The following GABRB3 variants were observed in gnomAD, a reference collection of about 807,000 sequenced individuals.
The protein encoded by GABRB3 is gamma-aminobutyric acid receptor subunit beta-3.
GABRB3 carries 14 observed loss-of-function variants against 52.1 expected under a neutral mutation model. The ratio of observed to expected loss-of-function variants is 0.27; its 90% CI spans 0.18 to 0.42. The LOEUF is 0.42. Ranked by LOEUF, GABRB3 falls within the 10% of genes least tolerant of loss-of-function variation. GABRB3 has a pLI of 1.00. For synonymous variants in GABRB3, 260 were observed against 232.3 expected (o/e 1.12, Z -1.08); for missense variants, 307 against 609.1 (o/e 0.50, Z 5.22).
At chr15:26,746,227 T>A (rs1455960059) in intron 3 of GABRB3, among the ~76,000 whole-genome samples, 1 of 152,104 alleles carries the variant, frequency 6.6e-6, no homozygotes, top group Admixed American at 6.5e-5. Flanking sequence ...TGTTGGACAT[T>A]TTTGCATGTG....
intron 3 of GABRB3, among the ~76,000 whole-genome samples, chr15:26,671,686 T>C (rs562454852): frequency 1.6e-4 from 25 of 152,198 alleles, no homozygotes; most frequent in Admixed American, 5.2e-4. Flanking sequence ...TCAGACTGAT[T>C]TTATTGTGCT....
chr15:26,582,976 G>A (rs2140736674), intron 5 of GABRB3, among the ~76,000 whole-genome samples: 1 of 152,172 alleles, frequency 6.6e-6, no homozygotes, highest in East Asian at 1.9e-4. Flanking sequence ...AGTTCCTGAT[G>A]GGAAATGAGT....
chr15:26,666,853 G>T, intron 3 of GABRB3, among the ~76,000 whole-genome samples: 1 of 152,262 alleles, frequency 6.6e-6, no homozygotes, highest in East Asian at 1.9e-4. Flanking sequence ...GTCGCTTCAC[G>T]GCCCAGGAAG....
chr15:26,741,611 G>A (rs551668829), intron 3 of GABRB3, among the ~76,000 whole-genome samples: 2 of 152,010 alleles, frequency 1.3e-5, no homozygotes, highest in South Asian at 2.1e-4. Context: ...CCTCATTTTC[G>A]TTTGTCTGTT....
At chr15:26,679,347 C>T (rs1888167088) in intron 3 of GABRB3, among the ~76,000 whole-genome samples, 1 of 152,076 alleles carries the variant, frequency 6.6e-6, no homozygotes. Context: ...AAAATATCCT[C>T]CTTGAACTTT....
At chr15:26,548,239 G>A (rs780975561) in intron 8 of GABRB3, 105 bp from the exon 9 acceptor site, 15 of 913,856 alleles carry the variant, frequency 1.6e-5, no homozygotes, top group Non-Finnish European at 2.4e-5. Flanking sequence ...CATGTTTTAC[G>A]AGAAACTGTA....
At chr15:26,730,389 G>C (rs1889877362) in intron 3 of GABRB3, among the ~76,000 whole-genome samples, 1 of 129,716 alleles carries the variant, frequency 7.7e-6, no homozygotes, top group Admixed American at 9.8e-5. Context: ...CTGCACTCCA[G>C]CCTGGGCGAC....
chr15:26,566,423 A>G (rs909794899), intron 7 of GABRB3, among the ~76,000 whole-genome samples: 1 of 152,166 alleles, frequency 6.6e-6, no homozygotes, highest in African/African-American at 2.4e-5. Context: ...AGTCCTGGGA[A>G]AAGTTGGTAA....
chr15:26,624,120 G>GGTGGGT, intron 3 of GABRB3: 16 of 898,096 alleles, frequency 1.8e-5, no homozygotes, highest in Non-Finnish European at 2.1e-5. Flanking sequence ...GCAAAGGCCT[G>GGTGGGT]AAAGGTTCTC....
intron 3 of GABRB3, among the ~76,000 whole-genome samples, chr15:26,702,454 A>T (rs963542359): frequency 6.6e-6 from 1 of 152,236 alleles, no homozygotes; most frequent in Non-Finnish European, 1.5e-5. Context: ...TTCAGCAACT[A>T]ATCACATGAA....
rs560037873 is a variant in GABRB3 at position 26,717,344 on chromosome 15, T to C, written c.240+55058A>G. Among the ~76,000 whole-genome samples the C allele has an allele frequency of 1.8e-4, 28 of 151,604 alleles. No individual in the cohort carries two copies. The Middle Eastern group carries it at 0.017, about 92-fold the overall frequency. On this transcript the variant is annotated intron_variant, in intron 3 of 8. Transcript: ENST00000311550. ...CCCAGCTCTGGGGACCTCCACCCAA[T>C]GACAGCCCAGCTCTAATATCCACCC...
intron 3 of GABRB3, among the ~76,000 whole-genome samples, chr15:26,636,359 AG>A (rs1893061146): frequency 1.3e-5 from 2 of 152,114 alleles, no homozygotes; most frequent in South Asian, 4.1e-4. Flanking sequence ...GCTTGTAATT[AG>A]GGCAAAACAG....
intron 3 of GABRB3, among the ~76,000 whole-genome samples, chr15:26,737,639 G>A (rs1039859952): frequency 1.3e-5 from 2 of 151,966 alleles, no homozygotes; most frequent in African/African-American, 2.4e-5. Context: ...GTGTGTGTGC[G>A]TGTGTACAAA....
intron 3 of GABRB3, among the ~76,000 whole-genome samples, chr15:26,760,134 T>C (rs1326503329): frequency 2.6e-5 from 4 of 152,218 alleles, no homozygotes; most frequent in African/African-American, 9.7e-5. Context: ...GACAACACAA[T>C]TGCAAGCTGC....
intron 3 of GABRB3, among the ~76,000 whole-genome samples, chr15:26,709,616 C>T (rs1173761592): frequency 7.3e-6 from 1 of 136,180 alleles, no homozygotes; most frequent in East Asian, 2.3e-4. Context: ...CTCCTGGGTT[C>T]ATGCCATTCT....
chr15:26,615,519 T>C, intron 4 of GABRB3: 1 of 858,376 alleles, frequency 1.2e-6, no homozygotes, highest in Non-Finnish European at 1.4e-6. Flanking sequence ...CAACCTTTTA[T>C]CACTACAAGA....
intron 3 of GABRB3, among the ~76,000 whole-genome samples, chr15:26,634,987 T>TAA (rs1566785505): frequency 1.1e-3 from 5 of 4,410 alleles, no homozygotes; most frequent in East Asian, 0.12. Context: ...TATCTCTAAA[T>TAA]ATATATATAT....
intron 3 of GABRB3, among the ~76,000 whole-genome samples, chr15:26,677,065 T>A (rs1888091608): frequency 6.6e-6 from 1 of 152,196 alleles, no homozygotes; most frequent in Admixed American, 6.5e-5. Context: ...GCACATGGAA[T>A]AACATCGATA....
chr15:26,583,924 G>A (rs1005942377), intron 4 of GABRB3, among the ~76,000 whole-genome samples: 9 of 151,912 alleles, frequency 5.9e-5, no homozygotes, highest in African/African-American at 2.2e-4. Flanking sequence ...ACAGGCGCCT[G>A]CCACCACGCC....
Sources: gnomAD v4.1 joint callset for allele counts (sites outside exome capture counted in the v4.1 genomes callset) on GRCh38, gnomAD v4.1.1 for gene constraint, MANE v1.5 for transcripts, NCBI Gene and HGNC (gene_info 2026-07-23, HGNC 2026-07-21) for gene names.